The following TMEM260 variants were observed in gnomAD, a reference collection of about 807,000 sequenced individuals.
TMEM260 encodes protein O-mannosyl-transferase TMEM260.
In TMEM260, 82 loss-of-function variants were observed where a neutral mutation model predicts 88.9. That is an observed-to-expected ratio of 0.92 (90% CI 0.77 to 1.11). The LOEUF is 1.11. Ranked by LOEUF, TMEM260 falls within the 50% of genes least tolerant of loss-of-function variation. The probability of loss-of-function intolerance (pLI) is 0.00; values close to 1 mark genes in which losing one functional copy is unlikely to be tolerated. For missense variants in TMEM260, 902 were observed against 853.4 expected (o/e 1.06, Z -0.71); for synonymous variants, 314 against 309.3 (o/e 1.02, Z -0.16).
intron 6 of TMEM260, 53 bp from the exon 7 acceptor site, chr14:56,612,192 A>G: frequency 1.3e-6 from 2 of 1,488,650 alleles, no homozygotes; most frequent in South Asian, 1.1e-5. Flanking sequence ...CAATAGCCTA[A>G]TAAAGCGTCA....
At chr14:56,583,193 C>G (rs771454405) in intron 1 of TMEM260, among the ~76,000 whole-genome samples, 5 of 152,154 alleles carry the variant, frequency 3.3e-5, no homozygotes, top group Non-Finnish European at 7.4e-5. Context: ...ATGGAGTAAA[C>G]TATAAAATCA....
chr14:56,646,046 C>T (rs955395716), intron 15 of TMEM260, among the ~76,000 whole-genome samples: 1 of 152,154 alleles, frequency 6.6e-6, no homozygotes, highest in Admixed American at 6.5e-5. Context: ...TCTCTGGCCT[C>T]GGCCTCCCAA....
At chr14:56,645,209 G>A (rs917070493) in intron 15 of TMEM260, among the ~76,000 whole-genome samples, 4 of 146,606 alleles carry the variant, frequency 2.7e-5, no homozygotes, top group Admixed American at 7.2e-5. Flanking sequence ...GTTTATTGCG[G>A]CACTATTCAC....
intron 3 of TMEM260, among the ~76,000 whole-genome samples, chr14:56,587,825 AC>A (rs1885603137): frequency 6.6e-6 from 1 of 152,070 alleles, no homozygotes; most frequent in Non-Finnish European, 1.5e-5. Context: ...AACAATAGAC[AC>A]CCTTCAAAAA....
chr14:56,653,755 A>G (rs1336906555), downstream of TMEM260, among the ~76,000 whole-genome samples: 1 of 95,930 alleles, frequency 1.0e-5, no homozygotes, highest in Non-Finnish European at 2.7e-5. Flanking sequence ...AAAAAAAAAA[A>G]CAGGACATCA....
At chr14:56,616,556 A>G (rs1887606401) in intron 8 of TMEM260, among the ~76,000 whole-genome samples, 1 of 152,062 alleles carries the variant, frequency 6.6e-6, no homozygotes, top group African/African-American at 2.4e-5. Context: ...TTAAATGTCT[A>G]TATAATAGAA....
In TMEM260 at chr14:56,603,248, T is replaced by C. The variant is rs968083620; in HGVS notation, c.345-567T>C. On this transcript the variant is annotated intron_variant, in intron 3 of 15. Transcript: ENST00000261556. Reference sequence around the variant, plus strand: ...AAAATTAGTTTTAACTTCACCGTTGTCTAAAGAAAAAAAACCCTTGCAAAG... The same window carrying C: ...AAAATTAGTTTTAACTTCACCGTTGCCTAAAGAAAAAAAACCCTTGCAAAG... Among the ~76,000 whole-genome samples the C allele has an allele frequency of 2.3e-4, 17 of 73,302 alleles. 1 individual carries two copies. Among genetic ancestry groups the C allele is most frequent in the African/African-American group, 5.7e-4 (17 of 30,042 alleles). The allele number at this position is 73,302 out of a possible 152,430, so 48.1% of individuals were successfully genotyped here.
intron 6 of TMEM260, 79 bp downstream of exon 6, chr14:56,609,364 C>A (rs931009343): frequency 1.6e-6 from 2 of 1,288,430 alleles, no homozygotes; most frequent in South Asian, 1.4e-5. Context: ...ATTAAAAAAA[C>A]AATATTTGTC....
At chr14:56,619,853 C>T (rs908081816) in intron 10 of TMEM260, among the ~76,000 whole-genome samples, 5 of 152,082 alleles carry the variant, frequency 3.3e-5, no homozygotes, top group African/African-American at 9.7e-5. Flanking sequence ...TTTATTACAG[C>T]GCTATTCACA....
chr14:56,623,081 A>C (rs1462969175), intron 11 of TMEM260, among the ~76,000 whole-genome samples: 1 of 152,232 alleles, frequency 6.6e-6, no homozygotes, highest in Admixed American at 6.5e-5. Flanking sequence ...GATATGTGAC[A>C]TGGGGCTAAT....
intron 3 of TMEM260, among the ~76,000 whole-genome samples, chr14:56,602,619 C>A (rs1353052044): frequency 6.6e-6 from 1 of 151,752 alleles, no homozygotes; most frequent in African/African-American, 2.4e-5. Context: ...AGTAAAAATA[C>A]AAATAGGAAT....
At chr14:56,636,723 G>A (rs1024041252) in intron 15 of TMEM260, 125 bp downstream of exon 15, 8 of 813,672 alleles carry the variant, frequency 9.8e-6, no homozygotes, top group Middle Eastern at 2.9e-4. Flanking sequence ...AATTTGGGTG[G>A]TATAAAGCAG....
intron 15 of TMEM260, 56 bp from the exon 16 acceptor site, chr14:56,647,187 A>C: frequency 9.5e-7 from 1 of 1,056,806 alleles, no homozygotes. Context: ...TTTGTTTTTG[A>C]AAAAAAAAAA....
At chr14:56,617,417 T>C in intron 9 of TMEM260, 120 bp downstream of exon 9, 1 of 616,428 alleles carries the variant, frequency 1.6e-6, no homozygotes, top group Non-Finnish European at 2.8e-6. Flanking sequence ...TTTATATACA[T>C]TTTTATAAAT....
intron 15 of TMEM260, among the ~76,000 whole-genome samples, chr14:56,646,125 AAG>A (rs1227127566): frequency 6.6e-6 from 1 of 152,148 alleles, no homozygotes; most frequent in Admixed American, 6.5e-5. Flanking sequence ...AAAGGGAACT[AAG>A]GGGAAATTTG....
At chr14:56,659,979 A>C in the TMEM260 span, among the ~76,000 whole-genome samples, 1 of 152,166 alleles carries the variant, frequency 6.6e-6, no homozygotes, top group Non-Finnish European at 1.5e-5. Flanking sequence ...AAAACCCAAA[A>C]TATTTTACCA....
chr14:56,594,253 A>G (rs998129655), intron 3 of TMEM260, among the ~76,000 whole-genome samples: 12 of 152,200 alleles, frequency 7.9e-5, no homozygotes, highest in African/African-American at 2.7e-4. Flanking sequence ...AAAATAGAAA[A>G]TAGTTTAAAC....
intron 1 of TMEM260, among the ~76,000 whole-genome samples, chr14:56,582,519 A>G (rs1309957552): frequency 1.3e-5 from 2 of 152,242 alleles, no homozygotes; most frequent in African/African-American, 2.4e-5. Context: ...ATCTGCTGAC[A>G]ACTCTGGGCT....
At chr14:56,641,765 A>T (rs1185083245) in intron 15 of TMEM260, among the ~76,000 whole-genome samples, 4 of 152,252 alleles carry the variant, frequency 2.6e-5, no homozygotes, top group Non-Finnish European at 4.4e-5. Flanking sequence ...TGTATTCAGG[A>T]AACCCATCTC....
Sources: gnomAD v4.1 joint callset for allele counts (sites outside exome capture counted in the v4.1 genomes callset) on GRCh38, gnomAD v4.1.1 for gene constraint, MANE v1.5 for transcripts, NCBI Gene and HGNC (gene_info 2026-07-23, HGNC 2026-07-21) for gene names.